Variants in DNAJC1 observed in about 807,000 individuals in gnomAD.
DNAJC1 encodes DnaJ heat shock protein family (Hsp40) member C1.
A neutral mutation model predicts 76.6 loss-of-function variants in DNAJC1; 58 were observed. The observed-to-expected ratio is 0.76, with a 90% confidence interval of 0.61 to 0.94. DNAJC1 has a LOEUF of 0.94. Ranked by LOEUF, DNAJC1 falls within the 40% of genes least tolerant of loss-of-function variation. The probability of loss-of-function intolerance (pLI) is 0.00; values close to 1 mark genes in which losing one functional copy is unlikely to be tolerated. For synonymous variants in DNAJC1, 258 were observed against 267.9 expected, an observed-to-expected ratio of 0.96 and a Z score of 0.36; for missense variants, 689 against 677.3, an observed-to-expected ratio of 1.02 and a Z score of -0.19.
chr10:21,809,259 A>T (rs1452034465), intron 8 of DNAJC1, among the ~76,000 whole-genome samples: 2 of 152,048 alleles, frequency 1.3e-5, no homozygotes, highest in Non-Finnish European at 2.9e-5. Context: ...ATTAAAAAAA[A>T]TTTTTAATGT....
chr10:21,897,495 AG>A (rs2131737422), intron 7 of DNAJC1, among the ~76,000 whole-genome samples: 1 of 152,320 alleles, frequency 6.6e-6, no homozygotes, highest in Non-Finnish European at 1.5e-5. Context: ...CCATGGACTT[AG>A]GAACCAGACC....
intron 7 of DNAJC1, among the ~76,000 whole-genome samples, chr10:21,898,897 A>G (rs1006211913): frequency 6.6e-6 from 1 of 152,036 alleles, no homozygotes; most frequent in African/African-American, 2.4e-5. Flanking sequence ...GCTCAGAGAG[A>G]GGAACAAAAG....
chr10:21,981,747 C>G (rs1474404770), intron 1 of DNAJC1, among the ~76,000 whole-genome samples: 5 of 152,122 alleles, frequency 3.3e-5, no homozygotes, highest in African/African-American at 1.2e-4. Context: ...AAAATTGAAC[C>G]CTTACCTTTA....
intron 11 of DNAJC1, among the ~76,000 whole-genome samples, chr10:21,758,423 C>A (rs1043461528): frequency 6.6e-6 from 1 of 152,200 alleles, no homozygotes; most frequent in African/African-American, 2.4e-5. Flanking sequence ...GGAAAGAGGC[C>A]GCCCAAGCCC....
chr10:21,770,395 CTTTTTTTTTTTT>C lies in DNAJC1; in HGVS notation c.1099-4098_1099-4087del, dbSNP rs34881959. On this transcript the variant is annotated intron_variant, in intron 9 of 11. Coordinates refer to ENST00000376980, the MANE Select transcript of DNAJC1 (RefSeq NM_022365.4). Reference sequence around the variant, plus strand: ...TGAGTTGTAAGATTATTTTTTTCTTCTTTTTTTTTTTTTTTTTTTTGAGATGGAGTCTAGCTC... The same window carrying C: ...TGAGTTGTAAGATTATTTTTTTCTTCTTTTTTTTGAGATGGAGTCTAGCTC... Among the ~76,000 whole-genome samples, 32 of 107,530 alleles carry C rather than the reference CTTTTTTTTTTTT, an allele frequency of 3.0e-4. 1 individual carries two copies. Among genetic ancestry groups the C allele is most frequent in the Admixed American group, 2.7e-3 (27 of 10,170 alleles). 70.5% of individuals were successfully genotyped at this position (107,530 alleles called of 152,430 possible).
chr10:21,924,997 T>C (rs1330092040), intron 3 of DNAJC1, among the ~76,000 whole-genome samples: 3 of 152,102 alleles, frequency 2.0e-5, no homozygotes, highest in Admixed American at 1.3e-4. Flanking sequence ...TTTGTTGCTG[T>C]TGTTGTTGTT....
At chr10:21,865,792 C>G (rs1160820061) in intron 8 of DNAJC1, 1 of 151,854 alleles carries the variant, frequency 6.6e-6, no homozygotes, top group Non-Finnish European at 1.5e-5. Context: ...ATACAAAAGA[C>G]TTAAGTGAGA....
At chr10:22,001,894 G>C (rs1382979401) in intron 1 of DNAJC1, among the ~76,000 whole-genome samples, 1 of 152,148 alleles carries the variant, frequency 6.6e-6, no homozygotes, top group East Asian at 1.9e-4. Context: ...TTGAAAATGA[G>C]ATATATAGTG....
intron 8 of DNAJC1, among the ~76,000 whole-genome samples, chr10:21,849,950 G>A (rs1187073523): frequency 6.6e-6 from 1 of 152,072 alleles, no homozygotes; most frequent in Non-Finnish European, 1.5e-5. Flanking sequence ...AATAAAGTAG[G>A]AATAGAAGGA....
intron 1 of DNAJC1, among the ~76,000 whole-genome samples, chr10:21,951,978 T>G (rs545945846): frequency 2.0e-4 from 31 of 152,330 alleles, no homozygotes; most frequent in Admixed American, 1.9e-3. Context: ...TCTGGGAGAC[T>G]GTTACTACTG....
chr10:21,810,703 A>G (rs1008588432), intron 8 of DNAJC1, among the ~76,000 whole-genome samples: 2 of 152,188 alleles, frequency 1.3e-5, no homozygotes, highest in Admixed American at 1.3e-4. Context: ...TATTTAGAAA[A>G]GGGGTGATTA....
At chr10:21,928,945 A>T in intron 2 of DNAJC1, 95 bp downstream of exon 2, 1 of 791,244 alleles carries the variant, frequency 1.3e-6, no homozygotes, top group Non-Finnish European at 1.9e-6. Context: ...CCTCATTTTC[A>T]AATGAAAATA....
intron 8 of DNAJC1, among the ~76,000 whole-genome samples, chr10:21,828,329 T>A (rs1375971078): frequency 6.6e-6 from 1 of 152,210 alleles, no homozygotes; most frequent in Non-Finnish European, 1.5e-5. Context: ...ATAAGGCAAC[T>A]TTCCTAATGT....
chr10:21,813,223 T>TAA, intron 8 of DNAJC1, among the ~76,000 whole-genome samples: 1 of 80,470 alleles, frequency 1.2e-5, no homozygotes, highest in South Asian at 4.9e-4. Flanking sequence ...TCTCTCTCTA[T>TAA]ATATATATAT....
chr10:21,814,499 G>A (rs1835041916), intron 8 of DNAJC1, among the ~76,000 whole-genome samples: 1 of 152,182 alleles, frequency 6.6e-6, no homozygotes, highest in Non-Finnish European at 1.5e-5. Flanking sequence ...CCAATCATTA[G>A]AACAATGGCT....
intron 1 of DNAJC1, among the ~76,000 whole-genome samples, chr10:21,979,497 A>C (rs1318368030): frequency 2.0e-5 from 3 of 152,022 alleles, no homozygotes; most frequent in African/African-American, 7.2e-5. Context: ...AGTGCTTATA[A>C]GGTTCCACAG....
intron 1 of DNAJC1, among the ~76,000 whole-genome samples, chr10:21,968,530 C>T (rs1038455278): frequency 2.7e-5 from 4 of 148,570 alleles, no homozygotes; most frequent in South Asian, 2.1e-4. Context: ...TTTTTTGAGA[C>T]GGAGTCTCAC....
intron 1 of DNAJC1, among the ~76,000 whole-genome samples, chr10:21,949,358 G>A (rs1414455599): frequency 6.7e-6 from 1 of 149,484 alleles, no homozygotes; most frequent in African/African-American, 2.5e-5. Flanking sequence ...AAGTATCCAT[G>A]CTTCAATAAG....
intron 1 of DNAJC1, among the ~76,000 whole-genome samples, chr10:21,988,181 T>C (rs1838276775): frequency 6.6e-6 from 1 of 152,124 alleles, no homozygotes; most frequent in Non-Finnish European, 1.5e-5. Flanking sequence ...TTTCTTAACA[T>C]AATCTAAGTA....
Sources: gnomAD v4.1 joint callset for allele counts (sites outside exome capture counted in the v4.1 genomes callset) on GRCh38, gnomAD v4.1.1 for gene constraint, MANE v1.5 for transcripts, NCBI Gene and HGNC (gene_info 2026-07-23, HGNC 2026-07-21) for gene names.